Variants in GNA12 observed in about 807,000 individuals in gnomAD.
GNA12 encodes the protein guanine nucleotide-binding protein subunit alpha-12.
GNA12 carries 9 observed loss-of-function variants against 26.0 expected under a neutral mutation model. That is an observed-to-expected ratio of 0.35 (90% CI 0.21 to 0.60). The LOEUF (loss-of-function observed/expected upper bound fraction) is 0.60, where lower values mean the gene tolerates loss of function less well. Among genes scored for constraint, GNA12 ranks in the 20% least tolerant of loss-of-function variants. GNA12 has a pLI of 0.78. For synonymous variants in GNA12, 264 were observed against 219.6 expected, an observed-to-expected ratio of 1.20 and a Z score of -1.79; for missense variants, 405 against 525.8, an observed-to-expected ratio of 0.77 and a Z score of 2.25.
At chr7:2,806,500 A>C (rs1436552488) in intron 1 of GNA12, among the ~76,000 whole-genome samples, 4 of 151,718 alleles carry the variant, frequency 2.6e-5, no homozygotes, top group Non-Finnish European at 5.9e-5. Flanking sequence ...AAGAAGAAAG[A>C]ACTTGTCTTT....
intron 2 of GNA12, among the ~76,000 whole-genome samples, chr7:2,775,042 A>G (rs1054526248): frequency 2.0e-5 from 3 of 152,214 alleles, no homozygotes; most frequent in Non-Finnish European, 2.9e-5. Context: ...ACTTTTCACT[A>G]TGTGATGAGT....
chr7:2,741,065 CAAACAAAT>C (rs1790475872), intron 2 of GNA12, among the ~76,000 whole-genome samples: 2 of 151,918 alleles, frequency 1.3e-5, no homozygotes, highest in East Asian at 1.9e-4. Flanking sequence ...AACAAACAAA[CAAACAAAT>C]AATCAAACAA....
At chr7:2,742,670 G>T (rs892382239) in intron 2 of GNA12, among the ~76,000 whole-genome samples, 6 of 152,162 alleles carry the variant, frequency 3.9e-5, no homozygotes, top group African/African-American at 1.4e-4. Context: ...GCAAACACCT[G>T]CAGAGTTTTG....
chr7:2,786,636 C>T (rs1399266777), intron 2 of GNA12, among the ~76,000 whole-genome samples: 1 of 152,212 alleles, frequency 6.6e-6, no homozygotes, highest in African/African-American at 2.4e-5. Flanking sequence ...AAAATCCTCT[C>T]ATGCACCTGG....
At chr7:2,737,274 G>GTTTTGT (rs1790242698) in intron 2 of GNA12, among the ~76,000 whole-genome samples, 17 of 35,044 alleles carry the variant, frequency 4.9e-4, no homozygotes, top group African/African-American at 1.4e-3. Context: ...GTTTTGTTTT[G>GTTTTGT]TTTTTTTTTT....
At chr7:2,746,587 C>T (rs1341942629) in intron 2 of GNA12, among the ~76,000 whole-genome samples, 14 of 151,778 alleles carry the variant, frequency 9.2e-5, no homozygotes, top group Non-Finnish European at 2.9e-5. Flanking sequence ...AAATTGACAC[C>T]CTAACATCAC....
At chr7:2,789,157 A>G (rs1792449548) in intron 2 of GNA12, among the ~76,000 whole-genome samples, 1 of 20,712 alleles carries the variant, frequency 4.8e-5, no homozygotes, top group Non-Finnish European at 1.1e-4. Flanking sequence ...TTTTTTTGAG[A>G]CGGAGTCTCG....
intron 2 of GNA12, among the ~76,000 whole-genome samples, chr7:2,761,287 G>T (rs141871514): frequency 1.1e-4 from 17 of 152,262 alleles, no homozygotes; most frequent in African/African-American, 3.9e-4. Context: ...CTTCTATGAG[G>T]TCAAAGCCAC....
chr7:2,821,012 T>C (rs1350867828), intron 1 of GNA12, among the ~76,000 whole-genome samples: 1 of 152,186 alleles, frequency 6.6e-6, no homozygotes, highest in Non-Finnish European at 1.5e-5. Context: ...AGTGCCAGGA[T>C]TACAGGCGTG....
chr7:2,835,647 TGCA>T, intron 1 of GNA12: 1 of 900,060 alleles, frequency 1.1e-6, no homozygotes, highest in Non-Finnish European at 1.8e-6. Flanking sequence ...AGAAGACGGC[TGCA>T]GAAGATGTCA....
chr7:2,746,253 TGA>T (rs1790758048), intron 2 of GNA12, among the ~76,000 whole-genome samples: 1 of 152,154 alleles, frequency 6.6e-6, no homozygotes, highest in Admixed American at 6.6e-5. Flanking sequence ...ATTCCAAAAT[TGA>T]CCACTTGATA....
intron 1 of GNA12, among the ~76,000 whole-genome samples, chr7:2,831,989 T>C (rs1447876470): frequency 6.6e-6 from 1 of 152,190 alleles, no homozygotes; most frequent in Non-Finnish European, 1.5e-5. Flanking sequence ...AAATTTTACC[T>C]TAAAATGAAT....
At chr7:2,775,071 G>C (rs1314911044) in intron 2 of GNA12, among the ~76,000 whole-genome samples, 1 of 152,164 alleles carries the variant, frequency 6.6e-6, no homozygotes, top group Non-Finnish European at 1.5e-5. Flanking sequence ...CTCTACTGAG[G>C]ATGACTAACA....
chr7:2,827,910 T>C (rs886382490), intron 1 of GNA12, among the ~76,000 whole-genome samples: 3 of 145,060 alleles, frequency 2.1e-5, no homozygotes, highest in African/African-American at 7.6e-5. Context: ...CTACCCCCGA[T>C]ACTTTATTTA....
At chr7:2,803,715 G>C (rs533080730) in intron 1 of GNA12, among the ~76,000 whole-genome samples, 2 of 151,646 alleles carry the variant, frequency 1.3e-5, no homozygotes, top group African/African-American at 4.8e-5. Context: ...AAAACTCTGG[G>C]TTTAGGAATG....
intron 2 of GNA12, among the ~76,000 whole-genome samples, chr7:2,758,795 C>A (rs1223855904): frequency 6.6e-6 from 1 of 152,184 alleles, no homozygotes; most frequent in African/African-American, 2.4e-5. Flanking sequence ...GTTTACTCAT[C>A]TAATAGAACA....
rs369399632 is a variant in GNA12, at chr7:2,733,538, A to G, written c.526-37T>C. The G allele has an allele frequency of 1.5e-5, 23 of 1,548,670 alleles. 1 individual carries two copies. In the African/African-American group the frequency reaches 2.9e-4, roughly 19 times the overall value. ...GAAGAATATTCACAGCTCAGTCTGG[A>G]CTGAGGAATCCTGATGTGGCAAATA... On this transcript the variant is annotated intron_variant, in intron 2 of 3. Transcript: ENST00000275364.
At chr7:2,734,922 C>T (rs1409392135) in intron 2 of GNA12, among the ~76,000 whole-genome samples, 1 of 152,178 alleles carries the variant, frequency 6.6e-6, no homozygotes. Flanking sequence ...ACCCCAAGGG[C>T]CCGGCACGAC....
At chr7:2,798,594 T>G (rs879372730) in intron 1 of GNA12, among the ~76,000 whole-genome samples, 1 of 152,236 alleles carries the variant, frequency 6.6e-6, no homozygotes, top group Non-Finnish European at 1.5e-5. Context: ...CTTAAATTAA[T>G]AAACAGGTTT....
Sources: allele counts gnomAD v4.1 joint callset (sites outside exome capture counted in the v4.1 genomes callset), GRCh38; gene constraint gnomAD v4.1.1; transcripts MANE v1.5; gene names NCBI Gene and HGNC (gene_info 2026-07-23, HGNC 2026-07-21).